Variants in ZNF600 observed in about 807,000 individuals in gnomAD.
ZNF600 encodes the protein zinc finger protein KR-ZNF1.
ZNF600 carries 4 observed loss-of-function variants against 7.3 expected under a neutral mutation model. The observed-to-expected ratio is 0.55, with a 90% CI of 0.27 to 1.25. The LOEUF is 1.25. Ranked by LOEUF, ZNF600 falls within the 50% of genes most tolerant of loss-of-function variation. ZNF600 has a pLI of 0.12. For missense variants in ZNF600, 911 were observed against 922.1 expected (o/e 0.99, Z 0.16); for synonymous variants, 290 against 308.9 (o/e 0.94, Z 0.64).
the ZNF600 span, chr19:52,810,716 G>A: frequency 3.9e-6 from 3 of 762,490 alleles, no homozygotes; most frequent in Non-Finnish European, 4.8e-6. Flanking sequence ...TAAAAAAAAT[G>A]TGTATTAGGA....
the ZNF600 span, among the ~76,000 whole-genome samples, chr19:52,820,263 G>A: frequency 1.5e-5 from 2 of 137,740 alleles, no homozygotes; most frequent in South Asian, 2.5e-4. Flanking sequence ...GACTACAGGC[G>A]CCCGCCACCG....
the ZNF600 span, chr19:52,810,426 C>G: frequency 1.2e-6 from 2 of 1,602,798 alleles, no homozygotes; most frequent in Non-Finnish European, 1.7e-6. Flanking sequence ...TAGTGGCCAT[C>G]CCAAAGGGTT....
At chr19:52,767,288 G>A (rs1685377396) in exon 4 of ZNF600, 3 of 1,614,168 alleles carry the variant, frequency 1.9e-6, no homozygotes, top group Non-Finnish European at 1.7e-6. Flanking sequence ...TTTCTCTCAT[G>A]TATACTTCCT....
the ZNF600 span, among the ~76,000 whole-genome samples, chr19:52,831,810 T>G: frequency 6.3e-3 from 959 of 152,106 alleles, 9 homozygotes; most frequent in African/African-American, 0.022. Flanking sequence ...ATCCTAAATT[T>G]TGTATTTTTA....
chr19:52,798,522 G>A, the ZNF600 span: 1 of 511,366 alleles, frequency 2.0e-6, no homozygotes, highest in South Asian at 1.5e-5. Context: ...ACATTTGTAA[G>A]ATTTCTGTCC....
chr19:52,785,202 C>T (rs1367770943), intron 1 of ZNF600, among the ~76,000 whole-genome samples: 1 of 151,828 alleles, frequency 6.6e-6, no homozygotes, highest in Non-Finnish European at 1.5e-5. Context: ...TCTATTACTT[C>T]TCTTCCACCT....
At chr19:52,773,935 C>G (rs1403123407) in intron 3 of ZNF600, among the ~76,000 whole-genome samples, 3 of 151,340 alleles carry the variant, frequency 2.0e-5, no homozygotes, top group Non-Finnish European at 2.9e-5. Flanking sequence ...CCAGGCTGGT[C>G]TTGAACTCCT....
chr19:52,787,967 G>A (rs1223981313), upstream of ZNF600, among the ~76,000 whole-genome samples: 3 of 151,810 alleles, frequency 2.0e-5, no homozygotes, highest in African/African-American at 7.3e-5. Context: ...ATACATTAAT[G>A]TATGACTTTC....
At chr19:52,799,989 G>A in the ZNF600 span, 1 of 1,607,550 alleles carries the variant, frequency 6.2e-7, no homozygotes, top group Non-Finnish European at 8.5e-7. Flanking sequence ...AAGCGATGAT[G>A]TCTGACGGAA....
the ZNF600 span, chr19:52,807,744 G>C: frequency 1.8e-6 from 1 of 557,600 alleles, no homozygotes; most frequent in Non-Finnish European, 3.0e-6. Context: ...CAAGGTGCTG[G>C]GATAACAGGC....
chr19:52,794,854 C>T, the ZNF600 span, among the ~76,000 whole-genome samples: 32 of 151,686 alleles, frequency 2.1e-4, no homozygotes, highest in South Asian at 6.7e-3. Flanking sequence ...ACTCTTGTCT[C>T]AAAAAAGGAA....
chr19:52,771,779 A>AT lies in ZNF600; in HGVS notation c.190+2795dup, dbSNP rs536025724. On this transcript the variant is annotated intron_variant, in intron 3 of 3. Coordinates refer to ENST00000648973, the Ensembl canonical transcript of ZNF600. ...AGTCGTGAGCCATCACGCCCGTCCA[A>AT]TTTTTTTTAATTTAGTAGATTCAAG... 3.3e-5 allele frequency among the ~76,000 whole-genome samples: 5 copies of AT among 151,922 alleles called. No individual in the cohort carries two copies. The East Asian group carries it at 5.8e-4, about 18-fold the overall frequency.
At chr19:52,806,095 C>A in the ZNF600 span, 9 of 152,120 alleles carry the variant, frequency 5.9e-5, no homozygotes, top group African/African-American at 2.2e-4. Flanking sequence ...AAACACTGTA[C>A]ATATATGTTA....
chr19:52,781,022 C>A (rs567511263), intron 1 of ZNF600: 8 of 152,274 alleles, frequency 5.3e-5, no homozygotes, highest in Admixed American at 4.6e-4. Flanking sequence ...GAGGAGACAA[C>A]TGGACACAGG....
exon 4 of ZNF600, chr19:52,766,961 C>T (rs1259056512): frequency 1.2e-6 from 2 of 1,613,610 alleles, no homozygotes; most frequent in African/African-American, 1.3e-5. Flanking sequence ...TATGAATTGC[C>T]TTATGAATTA....
At chr19:52,806,855 T>A in the ZNF600 span, among the ~76,000 whole-genome samples, 1 of 151,962 alleles carries the variant, frequency 6.6e-6, no homozygotes, top group Non-Finnish European at 1.5e-5. Flanking sequence ...TTAGCCAAGA[T>A]CGTACCAGTG....
chr19:52,767,194 T>C (rs753467172), exon 4 of ZNF600: 1 of 1,614,210 alleles, frequency 6.2e-7, no homozygotes, highest in Admixed American at 1.7e-5. Flanking sequence ...TTATATTGTT[T>C]GTCTCCTAAA....
the ZNF600 span, among the ~76,000 whole-genome samples, chr19:52,815,832 A>ATAAG: frequency 1.2e-4 from 17 of 146,892 alleles, 4 homozygotes; most frequent in African/African-American, 4.5e-4. Flanking sequence ...CTCAAAAAAA[A>ATAAG]TAAATAACTA....
At chr19:52,795,233 A>G in the ZNF600 span, among the ~76,000 whole-genome samples, 1 of 152,188 alleles carries the variant, frequency 6.6e-6, no homozygotes, top group Non-Finnish European at 1.5e-5. Context: ...CATAAAGAAA[A>G]TGGAATAATA....
Sources: gnomAD v4.1 joint callset for allele counts (sites outside exome capture counted in the v4.1 genomes callset) on GRCh38, gnomAD v4.1.1 for gene constraint, MANE v1.5 for transcripts, NCBI Gene and HGNC (gene_info 2026-07-23, HGNC 2026-07-21) for gene names.